CCDC68: variants seen among roughly 807,000 people sequenced by gnomAD.
CCDC68 encodes the protein coiled-coil domain containing 68, also known as coiled-coil domain-containing protein 68.
Under a neutral mutation model 47.1 loss-of-function variants are expected in CCDC68, and 45 were observed. The ratio of observed to expected loss-of-function variants is 0.96; its 90% confidence interval spans 0.75 to 1.23. The LOEUF is 1.23. Ranked by LOEUF, CCDC68 falls within the 50% of genes most tolerant of loss-of-function variation. The probability of loss-of-function intolerance (pLI) is 0.00; values close to 1 mark genes in which losing one functional copy is unlikely to be tolerated. For missense variants in CCDC68, 353 were observed against 373.6 expected, an observed-to-expected ratio of 0.94 and a Z score of 0.45; for synonymous variants, 131 against 129.5, an observed-to-expected ratio of 1.01 and a Z score of -0.08.
intron 10 of CCDC68, among the ~76,000 whole-genome samples, chr18:54,915,928 C>G (rs1411721237): frequency 6.6e-6 from 1 of 150,712 alleles, no homozygotes; most frequent in Non-Finnish European, 1.5e-5. Flanking sequence ...GATCCTGTCT[C>G]AAATATATAT....
At chr18:54,913,987 C>A (rs2043900271) in intron 10 of CCDC68, among the ~76,000 whole-genome samples, 1 of 152,186 alleles carries the variant, frequency 6.6e-6, no homozygotes, top group African/African-American at 2.4e-5. Context: ...CCTCGGAGAA[C>A]TTGGCACTTC....
intron 7 of CCDC68, 45 bp downstream of exon 7, chr18:54,934,775 C>T: frequency 1.5e-6 from 2 of 1,347,472 alleles, no homozygotes; most frequent in South Asian, 2.0e-5. Flanking sequence ...CATTCTCATC[C>T]TAATGCTGTC....
chr18:54,922,341 C>T (rs1330567564), intron 8 of CCDC68, among the ~76,000 whole-genome samples: 1 of 152,122 alleles, frequency 6.6e-6, no homozygotes, highest in Non-Finnish European at 1.5e-5. Context: ...TCTGAACAAA[C>T]AGTGAGAAGG....
chr18:54,929,300 T>C (rs918598654), intron 7 of CCDC68, among the ~76,000 whole-genome samples: 1 of 152,232 alleles, frequency 6.6e-6, no homozygotes, highest in Non-Finnish European at 1.5e-5. Context: ...TACCTCTACA[T>C]ACTACTTGGC....
intron 10 of CCDC68, among the ~76,000 whole-genome samples, chr18:54,909,380 C>CT (rs5825105): frequency 1.2e-4 from 15 of 125,586 alleles, no homozygotes; most frequent in African/African-American, 4.4e-4. Context: ...TATTTTCTTT[C>CT]TTTTTTTTTT....
Position 54,941,090 on chromosome 18 carries a change from A to T in CCDC68, c.118-7T>A. 6.2e-7 allele frequency: 1 copy of T among 1,604,062 alleles called. No homozygotes were observed. The highest frequency in any genetic ancestry group is 1.7e-5 in the Admixed American group (1 of 58,874). ...TTTGCAGAGTAGTTCGAATCTAGAG[A>T]AGGAAAACAAAACCATTTGTTTCAA... is the stretch of plus-strand genomic sequence containing the variant. On this transcript the variant is annotated splice_region_variant and splice_polypyrimidine_tract_variant and intron_variant, in intron 3 of 11. Transcript: ENST00000591504.
intron 4 of CCDC68, among the ~76,000 whole-genome samples, 196 bp from the exon 5 acceptor site, chr18:54,938,293 T>A (rs2044382921): frequency 6.6e-6 from 1 of 152,256 alleles, no homozygotes; most frequent in African/African-American, 2.4e-5. Context: ...TTTAAACAGA[T>A]TCTTATATTG....
At chr18:54,942,826 T>G in intron 2 of CCDC68, 23 bp from the exon 3 acceptor site, 1 of 1,260,878 alleles carries the variant, frequency 7.9e-7, no homozygotes, top group Non-Finnish European at 1.2e-6. Context: ...ATAAATCAGC[T>G]AAGCAAAACA....
At chr18:54,907,732 T>C in intron 11 of CCDC68, 54 bp downstream of exon 11, 1 of 980,818 alleles carries the variant, frequency 1.0e-6, no homozygotes, top group Non-Finnish European at 1.6e-6. Context: ...GTTGAATGTC[T>C]AACATGTTCA....
chr18:54,959,118 A>T (rs1007228098), intron 1 of CCDC68: 3 of 152,312 alleles, frequency 2.0e-5, no homozygotes, highest in Admixed American at 1.3e-4. Context: ...AGCTCTTCCC[A>T]ATGGGGAAGA....
chr18:54,923,994 T>C (rs1234751510), intron 8 of CCDC68, among the ~76,000 whole-genome samples: 3 of 152,076 alleles, frequency 2.0e-5, no homozygotes, highest in Non-Finnish European at 4.4e-5. Context: ...CCACTGCACC[T>C]AGCCCAATCT....
intron 1 of CCDC68, chr18:54,957,841 T>A (rs573656146): frequency 6.6e-6 from 1 of 152,360 alleles, no homozygotes; most frequent in East Asian, 1.9e-4. Context: ...AAAAGACTTT[T>A]ACATTCCCAT....
At chr18:54,946,101 T>C (rs745507549) in intron 1 of CCDC68, among the ~76,000 whole-genome samples, 1 of 152,178 alleles carries the variant, frequency 6.6e-6, no homozygotes. Flanking sequence ...TTAGTATTCA[T>C]AAAAATGGTT....
At chr18:54,911,257 C>T (rs542197914) in intron 10 of CCDC68, among the ~76,000 whole-genome samples, 10 of 151,982 alleles carry the variant, frequency 6.6e-5, no homozygotes, top group Non-Finnish European at 1.3e-4. Context: ...ACCATGTTGG[C>T]CACGCTGCTC....
At chr18:54,924,479 C>A (rs1599048684) in intron 8 of CCDC68, among the ~76,000 whole-genome samples, 1 of 152,046 alleles carries the variant, frequency 6.6e-6, no homozygotes, top group Admixed American at 6.6e-5. Context: ...AAAGCCCCAA[C>A]AAAAAGAGAA....
In CCDC68 at chr18:54,917,841, AC is replaced by A; in HGVS notation, c.873+71del. Reference sequence around the variant, plus strand: ...GATACTGATACCCTCACGTGCACAGACACACACACACACACACACACACACA... The same window carrying A: ...GATACTGATACCCTCACGTGCACAGAACACACACACACACACACACACACA... On this transcript the variant is annotated intron_variant, in intron 10 of 11. Coordinates refer to ENST00000591504, the MANE Select transcript of CCDC68 (RefSeq NM_025214.3). 5 of 11,124 alleles carry A rather than the reference AC, an allele frequency of 4.5e-4. No homozygotes were observed. In the East Asian group the frequency reaches 0.5, roughly 1,112 times the overall value. The allele number at this position is 11,124 out of a possible 1,614,324, so 0.7% of individuals were successfully genotyped here.
chr18:54,918,917 T>C (rs2044004500), intron 9 of CCDC68, among the ~76,000 whole-genome samples: 1 of 152,138 alleles, frequency 6.6e-6, no homozygotes, highest in Admixed American at 6.5e-5. Context: ...AATTATGAGG[T>C]TATGAAAACA....
chr18:54,958,113 G>C (rs1230103013), intron 1 of CCDC68: 1 of 152,226 alleles, frequency 6.6e-6, no homozygotes, highest in African/African-American at 2.4e-5. Flanking sequence ...TAAATAACAA[G>C]AGGAAAGAAC....
chr18:54,915,826 G>C (rs568663831), intron 10 of CCDC68, among the ~76,000 whole-genome samples: 29 of 152,216 alleles, frequency 1.9e-4, no homozygotes, highest in African/African-American at 6.7e-4. Context: ...GTACTCGGGA[G>C]GCTGAGGCAG....
Sources: gnomAD v4.1 joint callset for allele counts (sites outside exome capture counted in the v4.1 genomes callset) on GRCh38, gnomAD v4.1.1 for gene constraint, MANE v1.5 for transcripts, NCBI Gene and HGNC (gene_info 2026-07-23, HGNC 2026-07-21) for gene names.